Variants in KCNMB2 observed in about 807,000 individuals in gnomAD.
The protein encoded by KCNMB2 is calcium-activated potassium channel subunit beta-2.
Under a neutral mutation model 24.5 loss-of-function variants are expected in KCNMB2, and 9 were observed. The ratio of observed to expected loss-of-function variants is 0.37; its 90% CI spans 0.22 to 0.64. KCNMB2 has a LOEUF of 0.64. KCNMB2 is among the 30% of genes least tolerant of loss of function. KCNMB2 has a pLI of 0.63. For synonymous variants in KCNMB2, 109 were observed against 104.4 expected (o/e 1.04, Z -0.27); for missense variants, 226 against 284.3 (o/e 0.79, Z 1.47).
chr3:178,608,651 C>T (rs1718365043), intron 1 of KCNMB2, among the ~76,000 whole-genome samples: 1 of 151,948 alleles, frequency 6.6e-6, no homozygotes, highest in South Asian at 2.1e-4. Flanking sequence ...TACCTATTTC[C>T]ACTGCCCCCT....
At chr3:178,573,367 T>C (rs1312320103) in intron 1 of KCNMB2, among the ~76,000 whole-genome samples, 1 of 152,070 alleles carries the variant, frequency 6.6e-6, no homozygotes, top group African/African-American at 2.4e-5. Flanking sequence ...ATCAGTAGTA[T>C]AGATATTAAT....
At chr3:178,678,996 T>C (rs1370350427) in intron 1 of KCNMB2, among the ~76,000 whole-genome samples, 2 of 147,914 alleles carry the variant, frequency 1.4e-5, no homozygotes, top group Non-Finnish European at 3.1e-5. Context: ...TTTGTTGTTG[T>C]TGTTGTCATT....
chr3:178,566,357 TA>T (rs1716517618), intron 1 of KCNMB2, among the ~76,000 whole-genome samples: 1 of 152,200 alleles, frequency 6.6e-6, no homozygotes, highest in Admixed American at 6.5e-5. Flanking sequence ...ATCACATCTG[TA>T]AAGTTCATTG....
intron 1 of KCNMB2, among the ~76,000 whole-genome samples, chr3:178,640,413 C>T (rs924525455): frequency 6.6e-6 from 1 of 152,070 alleles, no homozygotes; most frequent in African/African-American, 2.4e-5. Flanking sequence ...TTTTAAACAA[C>T]CAGATCTTGT....
At chr3:178,540,137 A>T (rs933850331) in intron 1 of KCNMB2, among the ~76,000 whole-genome samples, 1 of 152,214 alleles carries the variant, frequency 6.6e-6, no homozygotes, top group Non-Finnish European at 1.5e-5. Context: ...CCATCTGTGT[A>T]AATGGGAACT....
chr3:178,673,772 C>A (rs1488682105), intron 1 of KCNMB2, among the ~76,000 whole-genome samples: 1 of 152,170 alleles, frequency 6.6e-6, no homozygotes, highest in Non-Finnish European at 1.5e-5. Flanking sequence ...CCTCATTTTT[C>A]TGCTTTTCAT....
At chr3:178,562,158 T>C (rs1438957840) in intron 1 of KCNMB2, among the ~76,000 whole-genome samples, 1 of 152,250 alleles carries the variant, frequency 6.6e-6, no homozygotes, top group Non-Finnish European at 1.5e-5. Flanking sequence ...TTATCTTCAT[T>C]AATGAATGTG....
At chr3:178,692,858 A>G (rs917948582) in intron 1 of KCNMB2, among the ~76,000 whole-genome samples, 1 of 152,192 alleles carries the variant, frequency 6.6e-6, no homozygotes, top group East Asian at 1.9e-4. Flanking sequence ...CATTTTAATG[A>G]TATTGATTAT....
chr3:178,601,890 T>G (rs927972673), intron 1 of KCNMB2, among the ~76,000 whole-genome samples: 1 of 152,198 alleles, frequency 6.6e-6, no homozygotes, highest in African/African-American at 2.4e-5. Flanking sequence ...TGCAAATACC[T>G]GGCCAGGAAT....
At chr3:178,785,074 A>G (rs1417225322) in intron 1 of KCNMB2, among the ~76,000 whole-genome samples, 1 of 152,024 alleles carries the variant, frequency 6.6e-6, no homozygotes, top group East Asian at 1.9e-4. Context: ...AAAGCCTTAA[A>G]TGAAAAAGAA....
chr3:178,809,827 G>A (rs905814554), intron 2 of KCNMB2, among the ~76,000 whole-genome samples: 2 of 152,154 alleles, frequency 1.3e-5, no homozygotes, highest in Non-Finnish European at 2.9e-5. Context: ...TATGATTTCA[G>A]AACTATGGGA....
intron 1 of KCNMB2, among the ~76,000 whole-genome samples, chr3:178,702,854 G>A (rs1474894545): frequency 6.6e-6 from 1 of 152,140 alleles, no homozygotes; most frequent in Non-Finnish European, 1.5e-5. Flanking sequence ...TACAAAGTGA[G>A]TTCTTAACAA....
At chr3:178,609,169 T>C (rs996196779) in intron 1 of KCNMB2, among the ~76,000 whole-genome samples, 11 of 152,202 alleles carry the variant, frequency 7.2e-5, no homozygotes, top group African/African-American at 2.7e-4. Flanking sequence ...GCCTGTTTTT[T>C]GGCTACAAAC....
chr3:178,757,360 A>G (rs1430193287), intron 1 of KCNMB2, among the ~76,000 whole-genome samples: 1 of 78,488 alleles, frequency 1.3e-5, no homozygotes, highest in African/African-American at 5.3e-5. Context: ...ATATATATAT[A>G]TATATATATA....
intron 1 of KCNMB2, among the ~76,000 whole-genome samples, chr3:178,593,027 G>A (rs12492734): frequency 0.24 from 36,057 of 151,794 alleles, 5,000 homozygotes; most frequent in East Asian, 0.4. Context: ...AATAAAGTAC[G>A]AGCAGAGGGA....
intron 1 of KCNMB2, among the ~76,000 whole-genome samples, chr3:178,678,349 T>C (rs1721143536): frequency 6.6e-6 from 1 of 152,226 alleles, no homozygotes; most frequent in African/African-American, 2.4e-5. Flanking sequence ...TAATTTGGAA[T>C]CTTATTGCCA....
intron 2 of KCNMB2, among the ~76,000 whole-genome samples, chr3:178,810,502 A>G (rs187004360): frequency 5.3e-5 from 8 of 152,326 alleles, no homozygotes; most frequent in African/African-American, 1.7e-4. Flanking sequence ...TGGAAGGAAA[A>G]GTTCACTGAA....
chr3:178,639,085 A>G (rs1481059522), intron 1 of KCNMB2, among the ~76,000 whole-genome samples: 1 of 152,010 alleles, frequency 6.6e-6, no homozygotes, highest in African/African-American at 2.4e-5. Context: ...ATTTTTTTTA[A>G]TTTCTATAAA....
intron 1 of KCNMB2, among the ~76,000 whole-genome samples, chr3:178,601,566 A>G (rs1037699259): frequency 2.0e-5 from 3 of 152,224 alleles, no homozygotes; most frequent in African/African-American, 7.2e-5. Flanking sequence ...CAAGAAGTAT[A>G]GAAAAATTAA....
Sources: allele counts gnomAD v4.1 joint callset (sites outside exome capture counted in the v4.1 genomes callset), GRCh38; gene constraint gnomAD v4.1.1; transcripts MANE v1.5; gene names NCBI Gene and HGNC (gene_info 2026-07-23, HGNC 2026-07-21).